ATP6V0D2: variants seen among roughly 807,000 people sequenced by gnomAD.
ATP6V0D2 encodes ATPase H+ transporting V0 subunit d2, also known as V-type proton ATPase subunit d 2.
In ATP6V0D2, 40 loss-of-function variants were observed where a neutral mutation model predicts 40.0. The ratio of observed to expected loss-of-function variants is 1.00; its 90% CI spans 0.78 to 1.30. The LOEUF is 1.30. ATP6V0D2 is among the 50% of genes most tolerant of loss of function. The pLI is 0.00. For synonymous variants in ATP6V0D2, 179 were observed against 156.3 expected, an observed-to-expected ratio of 1.15 and a Z score of -1.08; for missense variants, 470 against 423.1, an observed-to-expected ratio of 1.11 and a Z score of -0.97.
chr8:86,126,813 T>C lies in ATP6V0D2; in HGVS notation c.303-12644T>C, dbSNP rs185105683. On this transcript the variant is annotated intron_variant, in intron 2 of 7. Transcript: ENST00000285393. ...AGAAGGGTAGGAACCAAGACATTAA[T>C]GTAGAAAAGGACAAGTTAAGTTTGA... Among the ~76,000 whole-genome samples, 128 of 152,230 alleles carry C rather than the reference T, an allele frequency of 8.4e-4. 1 individual carries two copies. Among genetic ancestry groups the C allele is most frequent in the African/African-American group, 3.0e-3 (126 of 41,554 alleles).
chr8:86,150,036 A>C (rs1455926462), intron 5 of ATP6V0D2, 76 bp from the exon 6 acceptor site: 2 of 1,316,214 alleles, frequency 1.5e-6, no homozygotes, highest in Non-Finnish European at 2.1e-6. Flanking sequence ...TTCAGAAATG[A>C]ATGTGTGCAC....
chr8:86,152,665 G>T, intron 7 of ATP6V0D2, 151 bp from the exon 8 acceptor site: 1 of 574,562 alleles, frequency 1.7e-6, no homozygotes, highest in African/African-American at 1.9e-5. Flanking sequence ...TTTCTGAGTT[G>T]TCACCATACT....
intron 2 of ATP6V0D2, among the ~76,000 whole-genome samples, chr8:86,115,119 G>T (rs1818575849): frequency 6.6e-6 from 1 of 152,040 alleles, no homozygotes; most frequent in South Asian, 2.1e-4. Flanking sequence ...CATGGCTTTG[G>T]GAGACAATCT....
chr8:86,143,431 A>G (rs1352487217), intron 5 of ATP6V0D2, among the ~76,000 whole-genome samples: 1 of 152,214 alleles, frequency 6.6e-6, no homozygotes, highest in Non-Finnish European at 1.5e-5. Flanking sequence ...AGCAGCCCCA[A>G]GGGCTGCTGG....
intron 2 of ATP6V0D2, among the ~76,000 whole-genome samples, chr8:86,136,859 G>A (rs1354214123): frequency 6.6e-6 from 1 of 152,102 alleles, no homozygotes; most frequent in Non-Finnish European, 1.5e-5. Flanking sequence ...TCTCACAAAG[G>A]TGGCTAAGCT....
intron 2 of ATP6V0D2, among the ~76,000 whole-genome samples, chr8:86,126,124 A>G (rs1464176241): frequency 6.7e-6 from 1 of 148,684 alleles, no homozygotes; most frequent in Non-Finnish European, 1.5e-5. Flanking sequence ...TTTTATAGAG[A>G]CTGGGTTTTG....
chr8:86,127,079 T>C (rs1453441566), intron 2 of ATP6V0D2, among the ~76,000 whole-genome samples: 1 of 152,212 alleles, frequency 6.6e-6, no homozygotes, highest in African/African-American at 2.4e-5. Context: ...ATTATTTTAA[T>C]TTTCACTTCC....
At chr8:86,144,879 G>T (rs1051752925) in intron 5 of ATP6V0D2, among the ~76,000 whole-genome samples, 2 of 152,002 alleles carry the variant, frequency 1.3e-5, no homozygotes, top group East Asian at 3.9e-4. Context: ...GTCTTGGCTG[G>T]GCATGGTGGC....
chr8:86,150,770 A>G (rs10086540), intron 6 of ATP6V0D2, among the ~76,000 whole-genome samples: 2,767 of 152,300 alleles, frequency 0.018, 84 homozygotes, highest in African/African-American at 0.063. Context: ...GAGAGGAAAC[A>G]TAGCTGCTTG....
At chr8:86,141,302 A>G in intron 3 of ATP6V0D2, 148 bp from the exon 4 acceptor site, 1 of 546,722 alleles carries the variant, frequency 1.8e-6, no homozygotes, top group Non-Finnish European at 3.3e-6. Flanking sequence ...CCTCATTACT[A>G]TTAGCCCTAT....
At chr8:86,143,105 T>C in intron 5 of ATP6V0D2, 151 bp downstream of exon 5, 1 of 505,096 alleles carries the variant, frequency 2.0e-6, no homozygotes, top group Non-Finnish European at 3.5e-6. Flanking sequence ...TGATTTGATA[T>C]ATTTGATTAA....
chr8:86,149,077 C>CAAAAAAAAAAAA (rs1819109621), intron 5 of ATP6V0D2, among the ~76,000 whole-genome samples: 4 of 35,756 alleles, frequency 1.1e-4, no homozygotes, highest in Non-Finnish European at 1.8e-4. Context: ...AAAAAAAAAC[C>CAAAAAAAAAAAA]AATGAACAAG....
chr8:86,116,181 C>G (rs982009653), intron 2 of ATP6V0D2, among the ~76,000 whole-genome samples: 2 of 152,182 alleles, frequency 1.3e-5, no homozygotes, highest in Non-Finnish European at 2.9e-5. Flanking sequence ...TTCTTCCCCA[C>G]TCAGTTTCTC....
At chr8:86,100,689 C>T (rs138947806) in intron 1 of ATP6V0D2, among the ~76,000 whole-genome samples, 169 of 152,174 alleles carry the variant, frequency 1.1e-3, no homozygotes, top group African/African-American at 2.9e-3. Context: ...GACTGGAGAA[C>T]GTCGGTCACG....
chr8:86,148,093 A>G (rs1280104529), intron 5 of ATP6V0D2, among the ~76,000 whole-genome samples: 1 of 152,126 alleles, frequency 6.6e-6, no homozygotes, highest in African/African-American at 2.4e-5. Flanking sequence ...ACGTTGCCCT[A>G]ATTCTCTTCG....
At chr8:86,137,126 A>G (rs953147) in intron 2 of ATP6V0D2, among the ~76,000 whole-genome samples, 128,688 of 152,060 alleles carry the variant, frequency 0.85, 54,588 homozygotes, top group Middle Eastern at 0.88. Context: ...TCCATGTCCC[A>G]TTAATTTCAG....
At chr8:86,121,900 G>T (rs10102252) in intron 2 of ATP6V0D2, among the ~76,000 whole-genome samples, 2 of 152,096 alleles carry the variant, frequency 1.3e-5, no homozygotes, top group African/African-American at 4.8e-5. Context: ...ACAATCTTAA[G>T]CATTGCACAT....
At position 86,150,189 on chromosome 8, in the gene ATP6V0D2, C is replaced by A; in HGVS notation, c.717C>A (p.Thr239=). The A allele has an allele frequency of 6.2e-7, 1 of 1,613,202 alleles. No homozygotes were observed. Among genetic ancestry groups the A allele is most frequent in the Non-Finnish European group, 8.5e-7 (1 of 1,179,856 alleles). Residue 239 remains threonine (T), a synonymous_variant, in exon 6 of 8, where the codon ACC becomes ACA. Coordinates refer to ENST00000285393, the MANE Select transcript of ATP6V0D2 (RefSeq NM_152565.1). ...AATTGAGCAAAGAAGACCGAGAGAC[C>A]CTCTATCCAACCTTCGGCAAACTCT... ...GTELSKEDRE[T]LYPTFGKLYP...
At chr8:86,110,586 G>A (rs1487329161) in intron 1 of ATP6V0D2, among the ~76,000 whole-genome samples, 2 of 152,210 alleles carry the variant, frequency 1.3e-5, no homozygotes, top group African/African-American at 2.4e-5. Flanking sequence ...TAGAAGAACA[G>A]AGGAGGACTC....
Sources: gnomAD v4.1 joint callset for allele counts (sites outside exome capture counted in the v4.1 genomes callset) on GRCh38, gnomAD v4.1.1 for gene constraint, MANE v1.5 for transcripts, NCBI Gene and HGNC (gene_info 2026-07-23, HGNC 2026-07-21) for gene names.